COP1: variants seen among roughly 807,000 people sequenced by gnomAD.
The protein encoded by COP1 is COP1 E3 ubiquitin ligase.
Under a neutral mutation model 101.3 loss-of-function variants are expected in COP1, and 24 were observed. The ratio of observed to expected loss-of-function variants is 0.24; its 90% confidence interval spans 0.17 to 0.33. The LOEUF (loss-of-function observed/expected upper bound fraction) is 0.33, where lower values mean the gene tolerates loss of function less well. COP1 is among the 10% of genes least tolerant of loss of function. The pLI, the probability that COP1 is intolerant of heterozygous loss-of-function variation, is 1.00. For synonymous variants in COP1, 347 were observed against 341.9 expected (o/e 1.01, Z -0.17); for missense variants, 663 against 906.2 (o/e 0.73, Z 3.45).
chr1:176,000,737 T>G (rs907186343), intron 15 of COP1, among the ~76,000 whole-genome samples: 2 of 152,094 alleles, frequency 1.3e-5, no homozygotes, highest in African/African-American at 2.4e-5. Flanking sequence ...TGCTTTTTTT[T>G]TTGTTATGTC....
chr1:176,089,239 GC>G, intron 9 of COP1, among the ~76,000 whole-genome samples: 1 of 152,130 alleles, frequency 6.6e-6, no homozygotes, highest in Non-Finnish European at 1.5e-5. Context: ...GCTGCACTGA[GC>G]CAAGATCGAG....
At chr1:176,205,968 C>T (rs1700800965) in intron 1 of COP1, among the ~76,000 whole-genome samples, 1 of 152,162 alleles carries the variant, frequency 6.6e-6, no homozygotes, top group African/African-American at 2.4e-5. Flanking sequence ...TCTCAACAGC[C>T]GATTCCTAAG....
At chr1:176,182,658 T>C (rs1205879498) in intron 2 of COP1, among the ~76,000 whole-genome samples, 2 of 152,180 alleles carry the variant, frequency 1.3e-5, no homozygotes, top group African/African-American at 2.4e-5. Flanking sequence ...GAAAAAAACA[T>C]ATGGTTTCCT....
At chr1:175,968,029 G>A (rs1652421175) in intron 18 of COP1, among the ~76,000 whole-genome samples, 1 of 152,054 alleles carries the variant, frequency 6.6e-6, no homozygotes, top group Non-Finnish European at 1.5e-5. Context: ...CAACACACCT[G>A]GCTAATTTTT....
chr1:176,182,443 A>G (rs1363020850), intron 2 of COP1, among the ~76,000 whole-genome samples: 1 of 152,230 alleles, frequency 6.6e-6, no homozygotes, highest in Non-Finnish European at 1.5e-5. Context: ...TGCAATGTCT[A>G]GAGACATTTT....
chr1:176,002,586 T>G (rs1359662520), intron 15 of COP1, among the ~76,000 whole-genome samples: 1 of 141,022 alleles, frequency 7.1e-6, no homozygotes, highest in East Asian at 2.2e-4. Flanking sequence ...AATTCCCACC[T>G]ATGAGTGAGA....
chr1:175,969,264 G>A (rs995807111), intron 18 of COP1, among the ~76,000 whole-genome samples: 3 of 152,166 alleles, frequency 2.0e-5, no homozygotes, highest in African/African-American at 7.2e-5. Context: ...AAACACAGTA[G>A]AGCATTGTTA....
At chr1:176,063,047 G>GTC (rs1553247257) in intron 11 of COP1, among the ~76,000 whole-genome samples, 1 of 90,590 alleles carries the variant, frequency 1.1e-5, no homozygotes, top group Non-Finnish European at 2.0e-5. Context: ...TTTTGAAAAT[G>GTC]TTTTTTTTTT....
chr1:176,187,297 T>C (rs1177007742), intron 1 of COP1, among the ~76,000 whole-genome samples: 2 of 152,090 alleles, frequency 1.3e-5, no homozygotes, highest in Non-Finnish European at 2.9e-5. Flanking sequence ...AGCTCATATA[T>C]ATATACATAC....
chr1:175,988,980 C>T (rs1467397676), intron 16 of COP1: 2 of 164,440 alleles, frequency 1.2e-5, no homozygotes, highest in African/African-American at 4.8e-5. Context: ...TACACAGTAA[C>T]ACATGAGTTG....
Position 176,093,443 on chromosome 1 carries a change from T to G in COP1, c.1027-7553A>C, listed in dbSNP as rs547414174. ...AAGTGATCTGGCTGGGCATGGTGGC[T>G]CATGCCTGTACTCCCAGCAGTTTCG... On this transcript the variant is annotated intron_variant, in intron 9 of 19. Coordinates refer to ENST00000367669, the MANE Select transcript of COP1 (RefSeq NM_022457.7). 2.5e-3 allele frequency among the ~76,000 whole-genome samples: 383 copies of G among 151,642 alleles called. 2 individuals carry two copies. The highest frequency in any genetic ancestry group is 9.0e-3 in the African/African-American group (373 of 41,366).
At chr1:176,173,941 C>T (rs576272685) in intron 3 of COP1, among the ~76,000 whole-genome samples, 3 of 131,496 alleles carry the variant, frequency 2.3e-5, no homozygotes, top group African/African-American at 8.6e-5. Flanking sequence ...GAGCCGAGAT[C>T]GTGCCACTGC....
At chr1:176,113,992 G>A (rs975947242) in intron 9 of COP1, among the ~76,000 whole-genome samples, 3 of 146,204 alleles carry the variant, frequency 2.1e-5, no homozygotes, top group South Asian at 2.2e-4. Flanking sequence ...TTTTTTAAAC[G>A]TGGCTAGACA....
chr1:176,161,440 A>T (rs1206003697), intron 5 of COP1, among the ~76,000 whole-genome samples: 1 of 152,054 alleles, frequency 6.6e-6, no homozygotes, highest in African/African-American at 2.4e-5. Flanking sequence ...AATAAAAATA[A>T]AAATAAACTA....
At chr1:176,179,995 A>G (rs913825287) in intron 2 of COP1, among the ~76,000 whole-genome samples, 2 of 152,212 alleles carry the variant, frequency 1.3e-5, no homozygotes, top group Non-Finnish European at 2.9e-5. Context: ...ATACCACTGT[A>G]TACAACTTAA....
intron 15 of COP1, among the ~76,000 whole-genome samples, chr1:175,994,784 A>G (rs2148803595): frequency 6.6e-6 from 1 of 152,286 alleles, no homozygotes; most frequent in South Asian, 2.1e-4. Flanking sequence ...AGACTCCCAC[A>G]CAATAATAAT....
intron 1 of COP1, among the ~76,000 whole-genome samples, chr1:176,204,470 G>T (rs1335514040): frequency 6.6e-6 from 1 of 152,072 alleles, no homozygotes; most frequent in Non-Finnish European, 1.5e-5. Context: ...AAGAAAAAAA[G>T]GATTCCTTGG....
chr1:175,946,394 T>C (rs780298194), intron 19 of COP1, among the ~76,000 whole-genome samples: 10 of 152,182 alleles, frequency 6.6e-5, no homozygotes, highest in Non-Finnish European at 1.3e-4. Context: ...TCTCCACTTA[T>C]GATGAGTCTA....
At chr1:176,107,706 G>A (rs1684555884) in intron 9 of COP1, among the ~76,000 whole-genome samples, 1 of 152,132 alleles carries the variant, frequency 6.6e-6, no homozygotes, top group South Asian at 2.1e-4. Flanking sequence ...AAACTTTACA[G>A]CAGTGAAATC....
Sources: allele counts gnomAD v4.1 joint callset (sites outside exome capture counted in the v4.1 genomes callset), GRCh38; gene constraint gnomAD v4.1.1; transcripts MANE v1.5; gene names NCBI Gene and HGNC (gene_info 2026-07-23, HGNC 2026-07-21).